TCTN2: variants seen among roughly 807,000 people sequenced by gnomAD.
TCTN2 encodes the protein tectonic-2.
TCTN2 carries 66 observed loss-of-function variants against 83.4 expected under a neutral mutation model. The ratio of observed to expected loss-of-function variants is 0.79; its 90% CI spans 0.65 to 0.97. The LOEUF (loss-of-function observed/expected upper bound fraction) is 0.97, where lower values mean the gene tolerates loss of function less well. Among genes scored for constraint, TCTN2 ranks in the 50% least tolerant of loss-of-function variants. TCTN2 has a pLI of 0.00. For missense variants in TCTN2, 794 were observed against 858.1 expected, an observed-to-expected ratio of 0.93 and a Z score of 0.93; for synonymous variants, 301 against 326.7, an observed-to-expected ratio of 0.92 and a Z score of 0.85.
Position 123,695,303 on chromosome 12 carries a change from A to G in TCTN2, c.1312+6A>G. 6.5e-7 allele frequency: 1 copy of G among 1,549,882 alleles called. No homozygotes were observed. Among genetic ancestry groups the G allele is most frequent in the Non-Finnish European group, 8.9e-7 (1 of 1,121,664 alleles). On this transcript the variant is annotated splice_donor_region_variant and intron_variant, in intron 11 of 17. Transcript: ENST00000303372. ...AGAATTATCTGGAAATCCAGGTAAGATGAGTATATGCCAGTCATTGATCTT... is the reference window on the plus strand; with the variant it reads ...AGAATTATCTGGAAATCCAGGTAAGGTGAGTATATGCCAGTCATTGATCTT...
intron 8 of TCTN2, 98 bp from the exon 9 acceptor site, chr12:123,692,560 C>A: frequency 2.0e-6 from 2 of 979,450 alleles, no homozygotes; most frequent in Non-Finnish European, 3.3e-6. Context: ...TGGGCAGTTG[C>A]GGTCACCATA....
intron 4 of TCTN2, 46 bp from the exon 5 acceptor site, chr12:123,679,143 T>C: frequency 6.6e-7 from 1 of 1,510,052 alleles, no homozygotes; most frequent in Non-Finnish European, 9.2e-7. Context: ...CTGTGCTTTG[T>C]CGGAATGTTT....
chr12:123,697,303 A>G (rs1956121833), intron 13 of TCTN2, 105 bp downstream of exon 13: 8 of 854,346 alleles, frequency 9.4e-6, no homozygotes, highest in Non-Finnish European at 1.6e-5. Flanking sequence ...ATTAGAGTCA[A>G]TTAAAATGTG....
rs753833743 is a variant in TCTN2 at position 123,686,889 on chromosome 12, G to A, written c.618G>A (p.Val206=). ...TLFRRSCFTG[V]FGGDVNPPFD... ...TCAGACGGTCCTGCTTCACCGGCGTGTTTGGAGGAGACGTCAATCCTCCTT... is the reference window on the plus strand; with the variant it reads ...TCAGACGGTCCTGCTTCACCGGCGTATTTGGAGGAGACGTCAATCCTCCTT... Residue 206 remains valine, a synonymous_variant, in exon 6 of 18, where the codon GTG becomes GTA. Coordinates refer to ENST00000303372, the MANE Select transcript of TCTN2 (RefSeq NM_024809.5). 1.9e-5 allele frequency: 30 copies of A among 1,614,208 alleles called. No homozygotes were observed. In the East Asian group the frequency reaches 6.5e-4, roughly 35 times the overall value.
intron 5 of TCTN2, among the ~76,000 whole-genome samples, chr12:123,679,773 T>A (rs1955871935): frequency 7.3e-6 from 1 of 136,988 alleles, no homozygotes; most frequent in African/African-American, 2.7e-5. Context: ...GGAGTCTCGC[T>A]CTGTCGCCCA....
chr12:123,692,346 A>G (rs956410452), intron 8 of TCTN2, among the ~76,000 whole-genome samples: 8 of 152,146 alleles, frequency 5.3e-5, no homozygotes, highest in Admixed American at 6.5e-5. Flanking sequence ...CGCCTGGCCA[A>G]TTGTTTTCTA....
chr12:123,696,273 T>C, intron 11 of TCTN2, 142 bp from the exon 12 acceptor site: 1 of 705,382 alleles, frequency 1.4e-6, no homozygotes, highest in Non-Finnish European at 2.6e-6. Flanking sequence ...GACCCGAAGT[T>C]GCCATCTTTC....
Position 123,685,460 on chromosome 12 carries a change from C to T in TCTN2, c.565-1376C>T, listed in dbSNP as rs141584387. On this transcript the variant is annotated intron_variant, in intron 5 of 17. Transcript: ENST00000303372. ...TCGAGACGGAGTCTTGTTCTGTCAC[C>T]CAGGCTGGAGTGCAGTGGTGTGATC... 6.7e-3 allele frequency among the ~76,000 whole-genome samples: 1,024 copies of T among 152,228 alleles called. 12 individuals carry two copies. The highest frequency in any genetic ancestry group is 0.023 in the African/African-American group (940 of 41,538).
chr12:123,696,329 T>C, intron 11 of TCTN2, 86 bp from the exon 12 acceptor site: 7 of 1,132,912 alleles, frequency 6.2e-6, no homozygotes, highest in Non-Finnish European at 9.4e-6. Flanking sequence ...TTTCTTTCCT[T>C]GTGCATGACT....
rs1331215787 is a variant in TCTN2 at position 123,690,598 on chromosome 12, A to G, written c.957A>G (p.Lys319=). ...CATTTCTTCACAATTTTGATGTTAAATGCGTTACTAATTTGGAACTATACC... is the reference window on the plus strand; with the variant it reads ...CATTTCTTCACAATTTTGATGTTAAGTGCGTTACTAATTTGGAACTATACC... ...PVAFLHNFDV[K]CVTNLELYQE... is the part of the protein sequence containing the mutation. The change falls in exon 8 of 18, where the codon AAA becomes AAG. Residue 319 remains lysine (K), a synonymous_variant. Transcript: ENST00000303372. The G allele has an allele frequency of 6.2e-6, 10 of 1,614,108 alleles. No individual in the cohort carries two copies. The highest frequency in any genetic ancestry group is 3.3e-5 in the Admixed American group (2 of 59,994).
intron 10 of TCTN2, 67 bp downstream of exon 10, chr12:123,695,043 T>G: frequency 1.9e-6 from 3 of 1,595,628 alleles, no homozygotes; most frequent in Non-Finnish European, 2.6e-6. Flanking sequence ...TTTTCAAGAT[T>G]CTCATAATTA....
chr12:123,708,005 GC>G lies in TCTN2; in HGVS notation c.*294del. The G allele has an allele frequency of 1.7e-5, 5 of 302,336 alleles. No homozygotes were observed. The highest frequency in any genetic ancestry group is 9.8e-5 in the Admixed American group (2 of 20,314). The allele number at this position is 302,336 out of a possible 1,614,324, so 18.7% of individuals were successfully genotyped here. A position where few individuals can be genotyped will look rare whatever the true frequency, so the allele number is the denominator to read the frequency against. On this transcript the variant is annotated 3_prime_UTR_variant, in exon 18 of 18. Transcript: ENST00000303372. ...TTACAGGCATGAGCCACCGCACCCG[GC>G]CTTTTTTTTTTTTTTTTTTTTTTTG...
intron 14 of TCTN2, among the ~76,000 whole-genome samples, chr12:123,701,807 G>C (rs990891622): frequency 1.3e-5 from 2 of 151,984 alleles, no homozygotes; most frequent in Non-Finnish European, 2.9e-5. Context: ...CAGATAGAAA[G>C]ACTTGACAGC....
chr12:123,696,188 C>A, intron 11 of TCTN2: 1 of 507,530 alleles, frequency 2.0e-6, no homozygotes, highest in Non-Finnish European at 3.6e-6. Flanking sequence ...TTTTTTTTTA[C>A]ATAGTCTGTT....
At chr12:123,677,345 G>A (rs1353814930) in intron 4 of TCTN2, among the ~76,000 whole-genome samples, 2 of 152,226 alleles carry the variant, frequency 1.3e-5, no homozygotes, top group Non-Finnish European at 2.9e-5. Context: ...AGAACAGATC[G>A]TTAGTTGTTC....
At chr12:123,688,424 C>T (rs983516506) in intron 7 of TCTN2, among the ~76,000 whole-genome samples, 1 of 151,950 alleles carries the variant, frequency 6.6e-6, no homozygotes, top group African/African-American at 2.4e-5. Context: ...ACCATGTTGA[C>T]CTGGATGATC....
rs753497750 is a variant in TCTN2, at chr12:123,671,532, G to T, written c.108G>T (p.Met36Ile). Reference sequence around the variant, plus strand: ...CTTTCATCCCTCCTTTTATCCGAATGTCCGGCCCTGCGGTCAGCGCGTCCC... The same window carrying T: ...CTTTCATCCCTCCTTTTATCCGAATTTCCGGCCCTGCGGTCAGCGCGTCCC... ...DLAFIPPFIR[M>I]SGPAVSASLV... The change falls in exon 2 of 18, where the codon ATG becomes ATT. Residue 36 changes from methionine (M) to isoleucine (I), a missense_variant. Coordinates refer to ENST00000303372, the MANE Select transcript of TCTN2 (RefSeq NM_024809.5). 3.7e-6 allele frequency: 6 copies of T among 1,613,936 alleles called. No individual in the cohort carries two copies. The highest frequency in any genetic ancestry group is 4.2e-6 in the Non-Finnish European group (5 of 1,180,014).
At chr12:123,677,096 T>C (rs1217315593) in intron 4 of TCTN2, among the ~76,000 whole-genome samples, 1 of 152,098 alleles carries the variant, frequency 6.6e-6, no homozygotes, top group Non-Finnish European at 1.5e-5. Flanking sequence ...GAGGATCACT[T>C]GAGCCCTGGG....
chr12:123,677,258 C>T (rs553404189), intron 4 of TCTN2, among the ~76,000 whole-genome samples: 13 of 152,300 alleles, frequency 8.5e-5, no homozygotes, highest in Admixed American at 7.9e-4. Flanking sequence ...ACCCGTGTAA[C>T]GTGGTCTGCG....
Sources: gnomAD v4.1 joint callset for allele counts (sites outside exome capture counted in the v4.1 genomes callset) on GRCh38, gnomAD v4.1.1 for gene constraint, MANE v1.5 for transcripts, NCBI Gene and HGNC (gene_info 2026-07-23, HGNC 2026-07-21) for gene names.